NEU3: variants seen among roughly 807,000 people sequenced by gnomAD.
NEU3 encodes the protein neuraminidase 3.
NEU3 carries 10 observed loss-of-function variants against 11.4 expected under a neutral mutation model. The observed-to-expected ratio is 0.88, with a 90% CI of 0.54 to 1.49. NEU3 has a LOEUF of 1.49. NEU3 is among the 40% of genes most tolerant of loss of function. NEU3 has a pLI of 0.00. For missense variants in NEU3, 529 were observed against 581.8 expected, an observed-to-expected ratio of 0.91 and a Z score of 0.93; for synonymous variants, 212 against 228.2, an observed-to-expected ratio of 0.93 and a Z score of 0.64.
Position 75,005,441 on chromosome 11 carries a change from C to A in NEU3, c.335C>A (p.Ala112Asp). Reference sequence around the variant, plus strand: ...GGGCCCCTGAAGCCACTGATGGAAGCCACACTACCGGGGCATCGGACCATG... The same window carrying A: ...GGGCCCCTGAAGCCACTGATGGAAGACACACTACCGGGGCATCGGACCATG... The part of the protein sequence containing the change: ...QWGPLKPLME[A>D]TLPGHRTMNP... The change falls in exon 3 of 3, where the codon GCC (alanine) becomes GAC (aspartate). Residue 112 changes from alanine (A) to aspartate (D), a missense_variant. Coordinates refer to ENST00000294064, the MANE Select transcript of NEU3 (RefSeq NM_006656.6). The A allele has an allele frequency of 6.2e-7, 1 of 1,612,236 alleles. No homozygotes were observed. Among genetic ancestry groups the A allele is most frequent in the Non-Finnish European group, 8.5e-7 (1 of 1,178,778 alleles).
downstream of NEU3, among the ~76,000 whole-genome samples, chr11:75,012,263 T>C (rs1948960808): frequency 6.6e-6 from 1 of 152,206 alleles, no homozygotes; most frequent in South Asian, 2.1e-4. Context: ...AGGAACCTCA[T>C]GATGTCATGA....
intron 2 of NEU3, among the ~76,000 whole-genome samples, chr11:75,000,971 C>T (rs537234735): frequency 2.6e-5 from 4 of 152,044 alleles, no homozygotes; most frequent in East Asian, 1.9e-4. Flanking sequence ...TTCTTTTGGA[C>T]ATAAACACAG....
intron 1 of NEU3, 114 bp downstream of exon 1, chr11:74,989,268 C>A: frequency 2.4e-6 from 2 of 832,654 alleles, no homozygotes; most frequent in South Asian, 1.6e-5. Context: ...GAGACAGAGC[C>A]ACCTAGTCGG....
In NEU3 at chr11:75,006,719, C is replaced by A; in HGVS notation, c.*227C>A. ...GATGTGGTCCTGGCTCTGCCACTGG[C>A]TTGCTTTTGGACCTTGGATGTGTCA... On this transcript the variant is annotated 3_prime_UTR_variant, in exon 3 of 3. Transcript: ENST00000294064. The A allele has an allele frequency of 1.9e-6, 1 of 520,672 alleles. No homozygotes were observed. The highest frequency in any genetic ancestry group is 3.4e-5 in the East Asian group (1 of 29,462). The allele number at this position is 520,672 out of a possible 1,614,324, so 32.3% of individuals were successfully genotyped here. A position where few individuals can be genotyped will look rare whatever the true frequency, so the allele number is the denominator to read the frequency against.
At chr11:75,019,625 C>T (rs774511775), downstream of NEU3, among the ~76,000 whole-genome samples, 3 of 152,222 alleles carry the variant, frequency 2.0e-5, no homozygotes, top group African/African-American at 4.8e-5. Flanking sequence ...TCCTGCCCCA[C>T]GTGGTGTTGA....
In NEU3 at chr11:75,006,592, T is replaced by G; in HGVS notation, c.*100T>G. 7.3e-7 allele frequency: 1 copy of G among 1,368,960 alleles called. No individual in the cohort carries two copies. The highest frequency in any genetic ancestry group is 9.7e-7 in the Non-Finnish European group (1 of 1,027,816). The allele number at this position is 1,368,960 out of a possible 1,614,324, so 84.8% of individuals were successfully genotyped here. On this transcript the variant is annotated 3_prime_UTR_variant, in exon 3 of 3. Coordinates refer to ENST00000294064, the MANE Select transcript of NEU3 (RefSeq NM_006656.6). ...GATAATCAAAAAACTTAATATTCTG[T>G]TCCCTACCTTTTTTCACTTTTCCTC...
chr11:74,983,246 G>A, the NEU3 span, among the ~76,000 whole-genome samples: 1 of 152,186 alleles, frequency 6.6e-6, no homozygotes, highest in Non-Finnish European at 1.5e-5. Flanking sequence ...TAGCATCAAA[G>A]TGTGTTGTTA....
At chr11:75,010,943 A>G (rs1326593808), downstream of NEU3, 1 of 152,056 alleles carries the variant, frequency 6.6e-6, no homozygotes, top group Non-Finnish European at 1.5e-5. Flanking sequence ...TAAGATGACT[A>G]TTATACTAAT....
downstream of NEU3, among the ~76,000 whole-genome samples, chr11:75,012,392 A>C (rs1325906116): frequency 1.3e-5 from 2 of 152,236 alleles, no homozygotes. Context: ...ATAAAGGTAC[A>C]CGGGGTCATC....
rs969619346 is a variant in NEU3 at position 75,006,476 on chromosome 11, A to T, written c.1370A>T (p.Gln457Leu). 2 of 1,609,906 alleles carry T rather than the reference A, an allele frequency of 1.2e-6. No homozygotes were observed. Among genetic ancestry groups the T allele is most frequent in the African/African-American group, 2.7e-5 (2 of 74,816 alleles). Residue 457 changes from glutamine to leucine, a missense_variant, in exon 3 of 3, where the codon CAA becomes CTA. By Grantham distance (113) the Gln-to-Leu change is moderately radical (BLOSUM62 -2). Coordinates refer to ENST00000294064, the MANE Select transcript of NEU3 (RefSeq NM_006656.6). ...ACCAGCCCTGGTAGGAACCCAAGCC[A>T]ATTCAAAAGCAATTAATTGGCTTAG... ...DCTSPGRNPS[Q>L]FKSN
chr11:74,988,727 T>G, upstream of NEU3: 1 of 363,878 alleles, frequency 2.7e-6, no homozygotes, highest in Non-Finnish European at 5.0e-6. Flanking sequence ...GGAACTGAGG[T>G]GGGCCCAGGG....
chr11:74,987,355 A>G (rs1295071730), upstream of NEU3, among the ~76,000 whole-genome samples: 2 of 152,154 alleles, frequency 1.3e-5, no homozygotes, highest in African/African-American at 4.8e-5. Flanking sequence ...ATCACCTTCA[A>G]ATTGATTCTT....
intron 1 of NEU3, among the ~76,000 whole-genome samples, chr11:74,989,392 T>TG (rs1948707074): frequency 6.6e-6 from 1 of 152,188 alleles, no homozygotes; most frequent in Non-Finnish European, 1.5e-5. Context: ...GAACTGAGAC[T>TG]GGAAAAGCCC....
At chr11:75,002,245 G>A (rs945675763) in intron 2 of NEU3, among the ~76,000 whole-genome samples, 1 of 152,122 alleles carries the variant, frequency 6.6e-6, no homozygotes, top group Non-Finnish European at 1.5e-5. Context: ...TAGAGATAAG[G>A]ACCCACTATG....
rs569527303 is a variant in NEU3, at chr11:74,995,434, T to A, written c.306+714T>A. ...TGTATTTTTAGTGAGGAAAGAAGGG[T>A]TACTGCTCTTTGGCCTGGAAGCTAC... On this transcript the variant is annotated intron_variant, in intron 2 of 2. Coordinates refer to ENST00000294064, the MANE Select transcript of NEU3 (RefSeq NM_006656.6). Among the ~76,000 whole-genome samples, 16 of 152,274 alleles carry A rather than the reference T, an allele frequency of 1.1e-4. No individual in the cohort carries two copies. In the East Asian group the frequency reaches 3.1e-3, roughly 29 times the overall value.
At chr11:74,993,193 G>A (rs1414123869) in intron 1 of NEU3, among the ~76,000 whole-genome samples, 1 of 151,792 alleles carries the variant, frequency 6.6e-6, no homozygotes, top group African/African-American at 2.4e-5. Context: ...TTTTGTTGTC[G>A]TTGTTGGTGT....
chr11:75,004,344 T>C, intron 2 of NEU3: 3 of 660,144 alleles, frequency 4.5e-6, no homozygotes, highest in Non-Finnish European at 8.1e-6. Context: ...GGTCTCAAAC[T>C]CCTGGACTCA....
intron 1 of NEU3, among the ~76,000 whole-genome samples, chr11:74,989,405 C>A (rs920990317): frequency 1.3e-5 from 2 of 152,200 alleles, no homozygotes; most frequent in African/African-American, 2.4e-5. Context: ...AAAAGCCCTG[C>A]TTACCAAAGG....
intron 2 of NEU3, among the ~76,000 whole-genome samples, chr11:75,002,390 A>G (rs1948854605): frequency 6.6e-6 from 1 of 152,166 alleles, no homozygotes. Context: ...TAGGTAGTTA[A>G]TACATTTCAT....
Sources: gnomAD v4.1 joint callset for allele counts (sites outside exome capture counted in the v4.1 genomes callset) on GRCh38, gnomAD v4.1.1 for gene constraint, MANE v1.5 for transcripts, NCBI Gene and HGNC (gene_info 2026-07-23, HGNC 2026-07-21) for gene names.